Variants in PRIM2 observed in about 807,000 individuals in gnomAD.
The protein encoded by PRIM2 is DNA primase subunit 2.
Under a neutral mutation model 67.3 loss-of-function variants are expected in PRIM2, and 39 were observed. That is an observed-to-expected ratio of 0.58 (90% confidence interval 0.45 to 0.76). PRIM2 has a LOEUF of 0.76. Among genes scored for constraint, PRIM2 ranks in the 30% least tolerant of loss-of-function variants. The pLI, the probability that PRIM2 is intolerant of heterozygous loss-of-function variation, is 0.00. For missense variants in PRIM2, 398 were observed against 598.7 expected (o/e 0.66, Z 3.50); for synonymous variants, 143 against 198.7 (o/e 0.72, Z 2.36).
rs1409147264 is a variant in PRIM2, at chr6:57,646,000, G to A, written c.1372G>A (p.Gly458Ser). Reference sequence around the variant, plus strand: ...TGAGAGCCAACGTATTCTAAATGGTGGTAAAGACATAAAGAAGGAACCTAT... The same window carrying A: ...TGAGAGCCAACGTATTCTAAATGGTAGTAAAGACATAAAGAAGGAACCTAT... ...FCESQRILNGGKDIKKEPIQP... is the reference protein window; with the variant it reads ...FCESQRILNGSKDIKKEPIQP... The change falls in exon 14 of 14, where the codon GGT becomes AGT. Residue 458 changes from glycine to serine, a missense_variant. Transcript: ENST00000615550. The A allele has an allele frequency of 8.1e-6, 13 of 1,607,016 alleles. No homozygotes were observed. The African/African-American group carries it at 1.7e-4, about 21-fold the overall frequency.
intron 7 of PRIM2, among the ~76,000 whole-genome samples, chr6:57,402,073 T>G (rs1447005728): frequency 6.6e-6 from 1 of 152,062 alleles, no homozygotes; most frequent in East Asian, 1.9e-4. Context: ...ACCTGCCCAG[T>G]GAGGAGATAA....
At chr6:57,348,859 G>T (rs1488489106) in intron 5 of PRIM2, among the ~76,000 whole-genome samples, 5 of 147,904 alleles carry the variant, frequency 3.4e-5, no homozygotes, top group African/African-American at 1.3e-4. Context: ...GCTATTATCT[G>T]CCTCAGTCTC....
intron 7 of PRIM2, among the ~76,000 whole-genome samples, chr6:57,427,052 C>T (rs369083417): frequency 5.3e-5 from 8 of 152,164 alleles, no homozygotes; most frequent in African/African-American, 1.2e-4. Context: ...TGGCTGCCAA[C>T]TGAAATTTCT....
the PRIM2 span, among the ~76,000 whole-genome samples, chr6:57,288,291 A>T: frequency 6.6e-6 from 1 of 152,130 alleles, no homozygotes; most frequent in Non-Finnish European, 1.5e-5. Context: ...AGAGCCTGGG[A>T]AGCTTGAACT....
At chr6:57,549,929 G>T (rs1376909405) in intron 10 of PRIM2, among the ~76,000 whole-genome samples, 8 of 152,052 alleles carry the variant, frequency 5.3e-5, no homozygotes, top group Non-Finnish European at 5.9e-5. Context: ...CTACTAAAAA[G>T]ACAAAATTAG....
chr6:57,515,183 A>G (rs1281837198), intron 8 of PRIM2, among the ~76,000 whole-genome samples: 1 of 151,752 alleles, frequency 6.6e-6, no homozygotes, highest in Non-Finnish European at 1.5e-5. Context: ...AATTTTAAGT[A>G]TCTGCATAAT....
intron 8 of PRIM2, among the ~76,000 whole-genome samples, chr6:57,520,506 A>G (rs1774588047): frequency 6.6e-6 from 1 of 152,220 alleles, no homozygotes; most frequent in African/African-American, 2.4e-5. Flanking sequence ...TATAGAGAGT[A>G]AAGGAACATA....
chr6:57,497,140 G>A (rs1301335490), intron 7 of PRIM2, among the ~76,000 whole-genome samples: 7 of 152,250 alleles, frequency 4.6e-5, no homozygotes, highest in South Asian at 4.1e-4. Flanking sequence ...AGAGTCAAAC[G>A]TAAATTTTGT....
chr6:57,222,923 GC>G, the PRIM2 span, among the ~76,000 whole-genome samples: 3 of 152,170 alleles, frequency 2.0e-5, no homozygotes, highest in Non-Finnish European at 2.9e-5. Context: ...ATACCCTATG[GC>G]CCCGCAGTTC....
chr6:57,239,835 T>C, the PRIM2 span, among the ~76,000 whole-genome samples: 1 of 152,214 alleles, frequency 6.6e-6, no homozygotes, highest in African/African-American at 2.4e-5. Context: ...ATTATATTTA[T>C]ATCATACTGC....
the PRIM2 span, among the ~76,000 whole-genome samples, chr6:57,275,736 C>T: frequency 6.6e-6 from 1 of 152,186 alleles, no homozygotes; most frequent in East Asian, 1.9e-4. Context: ...CCATTGAGTT[C>T]TTGGGCCTAC....
At chr6:57,320,632 G>A in intron 3 of PRIM2, 72 bp downstream of exon 3, 1 of 950,812 alleles carries the variant, frequency 1.1e-6, no homozygotes, top group South Asian at 1.5e-5. Flanking sequence ...TTGTGGGAAA[G>A]ATATTATATT....
At chr6:57,306,121 G>A in the PRIM2 span, among the ~76,000 whole-genome samples, 1 of 152,132 alleles carries the variant, frequency 6.6e-6, no homozygotes, top group African/African-American at 2.4e-5. Flanking sequence ...TGAATACTAT[G>A]TTCAGGGTGA....
intron 5 of PRIM2, among the ~76,000 whole-genome samples, chr6:57,357,371 C>G (rs73748655): frequency 4.6e-5 from 7 of 152,188 alleles, no homozygotes; most frequent in African/African-American, 1.4e-4. Flanking sequence ...CTCAAGCTCT[C>G]ATCCCTGTTT....
At chr6:57,568,990 T>C (rs1775804719) in intron 10 of PRIM2, among the ~76,000 whole-genome samples, 2 of 152,370 alleles carry the variant, frequency 1.3e-5, no homozygotes, top group South Asian at 4.1e-4. Flanking sequence ...TTTCTATAAG[T>C]GTAAGTTCTT....
chr6:57,330,493 C>A (rs558806803), intron 5 of PRIM2, among the ~76,000 whole-genome samples: 3 of 151,224 alleles, frequency 2.0e-5, no homozygotes, highest in African/African-American at 7.3e-5. Context: ...GGCCACCACA[C>A]CCTGCTAATT....
At chr6:57,401,110 C>T (rs1476938225) in intron 7 of PRIM2, among the ~76,000 whole-genome samples, 2 of 152,168 alleles carry the variant, frequency 1.3e-5, no homozygotes, top group African/African-American at 4.8e-5. Flanking sequence ...TTTCAGCCAG[C>T]TCAGCCTGGT....
At chr6:57,372,109 C>T (rs1769581890) in intron 5 of PRIM2, among the ~76,000 whole-genome samples, 2 of 152,124 alleles carry the variant, frequency 1.3e-5, no homozygotes, top group African/African-American at 4.8e-5. Context: ...AAAATTTTTA[C>T]TTATAAAACT....
intron 7 of PRIM2, among the ~76,000 whole-genome samples, chr6:57,495,716 C>T (rs1773989799): frequency 1.3e-5 from 2 of 152,158 alleles, no homozygotes; most frequent in African/African-American, 4.8e-5. Flanking sequence ...CCACCTCCTA[C>T]ACTCCACTCC....
Sources: allele counts gnomAD v4.1 joint callset (sites outside exome capture counted in the v4.1 genomes callset), GRCh38; gene constraint gnomAD v4.1.1; transcripts MANE v1.5; gene names NCBI Gene and HGNC (gene_info 2026-07-23, HGNC 2026-07-21).